The following SLC67A2 variants were observed in gnomAD, a reference collection of about 807,000 sequenced individuals.
SLC67A2 encodes the protein solute carrier family 67 member 2.
the SLC67A2 span, among the ~76,000 whole-genome samples, chr2:102,732,840 G>C: frequency 1.3e-5 from 2 of 152,204 alleles, no homozygotes; most frequent in African/African-American, 2.4e-5. Context: ...GAAAGGCTCA[G>C]TAAAGCAAGA....
chr2:102,730,288 G>A, the SLC67A2 span, among the ~76,000 whole-genome samples: 5 of 152,092 alleles, frequency 3.3e-5, no homozygotes, highest in Admixed American at 6.5e-5. Flanking sequence ...GGGCTCAAGC[G>A]ATCCTCCAAC....
the SLC67A2 span, chr2:102,736,750 C>G: frequency 6.2e-7 from 1 of 1,613,876 alleles, no homozygotes; most frequent in Non-Finnish European, 8.5e-7. Flanking sequence ...TGTTTCCGCT[C>G]TGCGGTCTCC....
chr2:102,718,818 G>A, the SLC67A2 span: 2 of 1,613,914 alleles, frequency 1.2e-6, no homozygotes, highest in Non-Finnish European at 1.7e-6. Flanking sequence ...TACAGCCGTA[G>A]GATTGGCCCC....
chr2:102,718,233 C>T, the SLC67A2 span: 14 of 650,320 alleles, frequency 2.2e-5, no homozygotes, highest in East Asian at 8.2e-5. Flanking sequence ...CATGAGGTGC[C>T]GTGACTTCTG....
At chr2:102,731,211 T>G in the SLC67A2 span, 1 of 591,444 alleles carries the variant, frequency 1.7e-6, no homozygotes, top group Non-Finnish European at 2.9e-6. Context: ...ATCTTTTTTT[T>G]TTCTACTTGG....
the SLC67A2 span, chr2:102,732,471 A>C: frequency 7.8e-7 from 1 of 1,283,470 alleles, no homozygotes; most frequent in Admixed American, 2.3e-5. Flanking sequence ...AAACCTAAAA[A>C]TTTAAACTAA....
the SLC67A2 span, chr2:102,730,993 T>C: frequency 6.2e-7 from 1 of 1,604,434 alleles, no homozygotes; most frequent in Non-Finnish European, 8.5e-7. Flanking sequence ...TTACTACATC[T>C]GTGATGGATG....
At chr2:102,736,493 G>A in the SLC67A2 span, 3 of 1,531,126 alleles carry the variant, frequency 2.0e-6, no homozygotes, top group East Asian at 2.4e-5. Context: ...TGGGTGATAG[G>A]GCAAGAGGAG....
the SLC67A2 span, chr2:102,718,330 C>T: frequency 9.4e-6 from 14 of 1,495,512 alleles, no homozygotes; most frequent in Admixed American, 1.8e-5. Context: ...CCCTTCCACC[C>T]CAACCCTTTC....
the SLC67A2 span, chr2:102,716,453 T>A: frequency 1.3e-5 from 2 of 152,226 alleles, no homozygotes; most frequent in Admixed American, 1.3e-4. Context: ...AAGGCCATTT[T>A]ATATATTAAT....
the SLC67A2 span, chr2:102,719,279 G>A: frequency 6.9e-7 from 1 of 1,452,134 alleles, no homozygotes; most frequent in South Asian, 1.3e-5. Flanking sequence ...CTTGGGGAAG[G>A]GCCAATTATT....
the SLC67A2 span, among the ~76,000 whole-genome samples, chr2:102,735,848 A>G: frequency 1.1e-3 from 101 of 94,806 alleles, no homozygotes; most frequent in South Asian, 4.2e-3. Flanking sequence ...GCGCGCGCGC[A>G]CACACACACA....
the SLC67A2 span, chr2:102,718,797 A>T: frequency 6.2e-7 from 1 of 1,613,824 alleles, no homozygotes; most frequent in Non-Finnish European, 8.5e-7. Flanking sequence ...AGTGCCTGCG[A>T]GTTGTGCTTG....
chr2:102,723,221 AG>A, the SLC67A2 span, among the ~76,000 whole-genome samples: 1 of 152,262 alleles, frequency 6.6e-6, no homozygotes, highest in Non-Finnish European at 1.5e-5. Flanking sequence ...CTGTAATCCC[AG>A]CACTTTGGGA....
the SLC67A2 span, among the ~76,000 whole-genome samples, chr2:102,735,862 A>G: frequency 3.4e-3 from 513 of 152,008 alleles, 5 homozygotes; most frequent in African/African-American, 0.012. Context: ...ACACACACAC[A>G]CACACACGAT....
At chr2:102,720,541 A>G in the SLC67A2 span, among the ~76,000 whole-genome samples, 1 of 151,910 alleles carries the variant, frequency 6.6e-6, no homozygotes, top group Admixed American at 6.6e-5. Flanking sequence ...GAAAATATTA[A>G]CAAACAAGAC....
At chr2:102,724,575 C>G in the SLC67A2 span, among the ~76,000 whole-genome samples, 1 of 152,144 alleles carries the variant, frequency 6.6e-6, no homozygotes, top group Admixed American at 6.5e-5. Context: ...TCCCTAGACC[C>G]CCCACGTGCA....
the SLC67A2 span, among the ~76,000 whole-genome samples, chr2:102,730,823 A>T: frequency 6.6e-6 from 1 of 152,218 alleles, no homozygotes. Context: ...TGTTGGGATT[A>T]CAGGCGTGAG....
At chr2:102,715,170 C>T in the SLC67A2 span, among the ~76,000 whole-genome samples, 92 of 152,294 alleles carry the variant, frequency 6.0e-4, no homozygotes, top group East Asian at 0.017. Flanking sequence ...TCCAGTTAAT[C>T]CTCCTTGCTG....
Sources: allele counts gnomAD v4.1 joint callset (sites outside exome capture counted in the v4.1 genomes callset), GRCh38; gene constraint gnomAD v4.1.1; transcripts MANE v1.5; gene names NCBI Gene and HGNC (gene_info 2026-07-23, HGNC 2026-07-21).